CNOT4: variants seen among roughly 807,000 people sequenced by gnomAD.
CNOT4 encodes the protein CCR4-NOT transcription complex subunit 4.
In CNOT4, 8 loss-of-function variants were observed where a neutral mutation model predicts 73.8. The observed-to-expected ratio is 0.11, with a 90% CI of 0.06 to 0.20. CNOT4 has a LOEUF of 0.20. CNOT4 is among the 10% of genes least tolerant of loss of function. The pLI, the probability that CNOT4 is intolerant of heterozygous loss-of-function variation, is 1.00. For missense variants in CNOT4, 564 were observed against 883.4 expected (o/e 0.64, Z 4.58); for synonymous variants, 293 against 321.1 (o/e 0.91, Z 0.94).
intron 3 of CNOT4, among the ~76,000 whole-genome samples, chr7:135,418,322 C>A (rs759104673): frequency 1.3e-5 from 2 of 152,144 alleles, no homozygotes; most frequent in African/African-American, 2.4e-5. Flanking sequence ...GACAGAGCAC[C>A]CTGTACATCA....
chr7:135,393,935 C>T lies in CNOT4; in HGVS notation c.1610G>A (p.Gly537Glu). ...NLPPQHNTGLGGIPVADNSSS... is the reference protein window; with the variant it reads ...NLPPQHNTGLEGIPVADNSSS... ...GAACCTACCTGCTACAGGGATCCCT[C>T]CCAGACCTGTGTTGTGCTGTGGCGG... Residue 537 changes from glycine to glutamate, a missense_variant, in exon 10 of 12, where the codon GGA becomes GAA. Around this residue, in one of 10 missense-constraint regions of CNOT4, gnomAD observed 153 missense variants for 158.7 expected, o/e 0.96. Transcript: ENST00000541284. The T allele has an allele frequency of 6.2e-7, 1 of 1,612,784 alleles. No homozygotes were observed. The highest frequency in any genetic ancestry group is 8.5e-7 in the Non-Finnish European group (1 of 1,179,118).
intron 5 of CNOT4, 117 bp downstream of exon 5, chr7:135,414,214 C>G: frequency 1.8e-6 from 1 of 553,288 alleles, no homozygotes; most frequent in Non-Finnish European, 3.2e-6. Flanking sequence ...GACCCTAAGA[C>G]AGACTCTTCA....
At chr7:135,493,415 A>G (rs1303482334) in intron 1 of CNOT4, among the ~76,000 whole-genome samples, 1 of 152,198 alleles carries the variant, frequency 6.6e-6, no homozygotes, top group Non-Finnish European at 1.5e-5. Flanking sequence ...TTAATTGCCA[A>G]TGTATAAGAC....
chr7:135,499,665 G>T (rs1803834264), intron 1 of CNOT4, among the ~76,000 whole-genome samples: 1 of 151,848 alleles, frequency 6.6e-6, no homozygotes. Flanking sequence ...AAATTTCCTG[G>T]GGAAAACACT....
At chr7:135,459,824 C>T (rs755961600) in intron 1 of CNOT4, among the ~76,000 whole-genome samples, 1 of 152,210 alleles carries the variant, frequency 6.6e-6, no homozygotes, top group Non-Finnish European at 1.5e-5. Context: ...CTTCTCCTTT[C>T]TAGTAATCAA....
intron 2 of CNOT4, among the ~76,000 whole-genome samples, chr7:135,436,247 T>C (rs1799147398): frequency 6.6e-6 from 1 of 152,096 alleles, no homozygotes; most frequent in African/African-American, 2.4e-5. Context: ...AGGTAATCTC[T>C]TAAGATTGAA....
chr7:135,494,202 G>A (rs576506316), intron 1 of CNOT4, among the ~76,000 whole-genome samples: 1 of 152,126 alleles, frequency 6.6e-6, no homozygotes, highest in East Asian at 1.9e-4. Flanking sequence ...GGGCGCAGTG[G>A]CTCACACCTG....
intron 6 of CNOT4, among the ~76,000 whole-genome samples, chr7:135,412,643 A>T (rs893981766): frequency 2.6e-5 from 4 of 151,962 alleles, no homozygotes; most frequent in Non-Finnish European, 5.9e-5. Context: ...CAAAAAAGGT[A>T]ATACTCCATT....
intron 3 of CNOT4, among the ~76,000 whole-genome samples, chr7:135,416,208 C>T (rs3812286): frequency 0.037 from 5,695 of 152,182 alleles, 335 homozygotes; most frequent in African/African-American, 0.12. Context: ...AGTATTTCTT[C>T]CCATTCATAT....
At chr7:135,483,152 T>C (rs35124383) in intron 1 of CNOT4, among the ~76,000 whole-genome samples, 33,513 of 148,508 alleles carry the variant, frequency 0.23, 4,311 homozygotes, top group East Asian at 0.52. Flanking sequence ...CTGGGTAACA[T>C]AGTGGAACCC....
intron 2 of CNOT4, among the ~76,000 whole-genome samples, chr7:135,435,627 T>C (rs991081815): frequency 1.3e-5 from 2 of 152,220 alleles, no homozygotes; most frequent in Admixed American, 1.3e-4. Flanking sequence ...GTTAGGATCT[T>C]CTATTTACTG....
At chr7:135,373,659 C>G (rs543716784) in intron 10 of CNOT4, among the ~76,000 whole-genome samples, 65 of 152,294 alleles carry the variant, frequency 4.3e-4, no homozygotes, top group African/African-American at 1.6e-3. Context: ...TCACTGCAAC[C>G]TCCACCTCCC....
At chr7:135,426,730 CTGGCCA>C (rs1349813821) in intron 2 of CNOT4, among the ~76,000 whole-genome samples, 9 of 151,892 alleles carry the variant, frequency 5.9e-5, no homozygotes, top group Admixed American at 2.6e-4. Context: ...TGAGACCAGC[CTGGCCA>C]ACATGGTGAA....
chr7:135,461,180 T>C (rs1800850133), intron 1 of CNOT4, among the ~76,000 whole-genome samples: 2 of 152,168 alleles, frequency 1.3e-5, no homozygotes, highest in African/African-American at 4.8e-5. Flanking sequence ...GAAAGTCTAG[T>C]GTAATGATTC....
chr7:135,382,498 CAT>C (rs1278694295), intron 10 of CNOT4, among the ~76,000 whole-genome samples: 3 of 151,034 alleles, frequency 2.0e-5, no homozygotes, highest in African/African-American at 4.9e-5. Context: ...TTTCAGCTGA[CAT>C]ATACGGAGTG....
At chr7:135,468,675 ACT>A (rs1175546358) in intron 1 of CNOT4, among the ~76,000 whole-genome samples, 2 of 119,058 alleles carry the variant, frequency 1.7e-5, no homozygotes, top group East Asian at 4.9e-4. Context: ...GACGAGCAAG[ACT>A]CTGTCTCAAA....
chr7:135,380,864 T>C (rs892693034), intron 10 of CNOT4, among the ~76,000 whole-genome samples: 1 of 152,222 alleles, frequency 6.6e-6, no homozygotes, highest in Non-Finnish European at 1.5e-5. Context: ...CTATGTTATA[T>C]TTATTTATTC....
intron 1 of CNOT4, among the ~76,000 whole-genome samples, chr7:135,446,791 T>C (rs1799861910): frequency 6.6e-6 from 1 of 151,354 alleles, no homozygotes; most frequent in Admixed American, 6.6e-5. Flanking sequence ...AAAGTTTCCA[T>C]AAATTCTGGA....
rs778465540 is a variant in CNOT4 at position 135,394,016 on chromosome 7, T to G, written c.1529A>C (p.His510Pro). ...WMAFPRNSIM[H>P]LNHTANPTSN... ...GGTGGGGTTTGCTGTGTGGTTCAAG[T>G]GCATGATGCTATTGCGTGGAAAGGC... The change falls in exon 10 of 12, where the codon CAC (histidine) becomes CCC (proline). Residue 510 changes from histidine to proline, a missense_variant. This residue lies in a region of CNOT4 where 153 missense variants were observed against 158.7 expected (regional missense o/e 0.96). Transcript: ENST00000541284. 6.2e-7 allele frequency: 1 copy of G among 1,614,186 alleles called. No homozygotes were observed. The highest frequency in any genetic ancestry group is 2.2e-5 in the East Asian group (1 of 44,890).
Sources: allele counts gnomAD v4.1 joint callset (sites outside exome capture counted in the v4.1 genomes callset), GRCh38; gene constraint gnomAD v4.1.1; regional missense constraint gnomAD v4.1.1; transcripts MANE v1.5; gene names NCBI Gene and HGNC (gene_info 2026-07-23, HGNC 2026-07-21).